The following TEX10 variants were observed in gnomAD, a reference collection of about 807,000 sequenced individuals.
TEX10 encodes the protein testis-expressed protein 10.
In TEX10, 24 loss-of-function variants were observed where a neutral mutation model predicts 104.4. The ratio of observed to expected loss-of-function variants is 0.23; its 90% CI spans 0.17 to 0.32. The LOEUF is 0.32. TEX10 is among the 10% of genes least tolerant of loss of function. The probability of loss-of-function intolerance (pLI) is 1.00; values close to 1 mark genes in which losing one functional copy is unlikely to be tolerated. For missense variants in TEX10, 921 were observed against 1,083.9 expected (o/e 0.85, Z 2.11); for synonymous variants, 396 against 393.4 (o/e 1.01, Z -0.08).
At chr9:100,341,167 T>C (rs752352838) in intron 4 of TEX10, among the ~76,000 whole-genome samples, 1 of 152,222 alleles carries the variant, frequency 6.6e-6, no homozygotes, top group African/African-American at 2.4e-5. Context: ...GGTTTCACCA[T>C]GTTGACCCGG....
chr9:100,314,089 CT>C (rs58128151), intron 11 of TEX10, among the ~76,000 whole-genome samples: 67,249 of 120,942 alleles, frequency 0.56, 17,925 homozygotes, highest in East Asian at 0.82. Context: ...GGAGATTTTT[CT>C]TTTTTTTTTT....
chr9:100,340,973 G>T (rs926384225), intron 4 of TEX10, among the ~76,000 whole-genome samples: 34 of 146,764 alleles, frequency 2.3e-4, no homozygotes, highest in Middle Eastern at 3.5e-3. Flanking sequence ...GCTCAATTTG[G>T]TTTTTTTTTT....
chr9:100,327,645 T>C, intron 8 of TEX10, 142 bp downstream of exon 8: 1 of 472,372 alleles, frequency 2.1e-6, no homozygotes, highest in Non-Finnish European at 3.6e-6. Flanking sequence ...TACTGTATGA[T>C]GTTTTGTTCT....
Position 100,320,280 on chromosome 9 carries a change from G to C in TEX10, c.2187C>G (p.His729Gln). The C allele has an allele frequency of 1.2e-6, 2 of 1,611,190 alleles. No individual in the cohort carries two copies. The highest frequency in any genetic ancestry group is 1.7e-6 in the Non-Finnish European group (2 of 1,178,736). The change falls in exon 11 of 15, where the codon CAC becomes CAG. Residue 729 changes from histidine to glutamine, a missense_variant. His to Gln is a conservative substitution (Grantham distance 24, BLOSUM62 0). Transcript: ENST00000374902. ...YLTDLDQFLH[H>Q]WDVTEAVFHS... ...GAACTATTACCTCTGTTACATCCCAGTGGTGTAAAAATTGATCCAAATCTG... is the reference window on the plus strand; with the variant it reads ...GAACTATTACCTCTGTTACATCCCACTGGTGTAAAAATTGATCCAAATCTG...
At chr9:100,349,100 T>C (rs1835374725) in intron 2 of TEX10, 84 bp downstream of exon 2, 1 of 1,221,014 alleles carries the variant, frequency 8.2e-7, no homozygotes, top group East Asian at 2.7e-5. Flanking sequence ...ACTCTAAGAG[T>C]TTAGACAAAT....
chr9:100,302,121 A>G lies in TEX10; in HGVS notation c.*70T>C. On this transcript the variant is annotated 3_prime_UTR_variant, in exon 15 of 15. Coordinates refer to ENST00000374902, the MANE Select transcript of TEX10 (RefSeq NM_017746.4). ...TCAGCTTTAATGACAAAGATCTATT[A>G]CATCAGTCTTTTTCTTCAAATAAGA... 1.1e-6 allele frequency: 1 copy of G among 895,492 alleles called. No homozygotes were observed. The allele number at this position is 895,492 out of a possible 1,614,324, so 55.5% of individuals were successfully genotyped here. A position where few individuals can be genotyped will look rare whatever the true frequency, so the allele number is the denominator to read the frequency against.
intron 1 of TEX10, chr9:100,352,385 T>C: frequency 6.4e-7 from 1 of 1,551,716 alleles, no homozygotes; most frequent in Non-Finnish European, 8.7e-7. Context: ...CCACTCCGTA[T>C]TCGGTCCTGC....
intron 1 of TEX10, among the ~76,000 whole-genome samples, chr9:100,352,226 C>G (rs891136950): frequency 3.3e-5 from 5 of 152,204 alleles, no homozygotes; most frequent in Non-Finnish European, 7.3e-5. Flanking sequence ...CCTCCAAACT[C>G]CACTGAGGGG....
chr9:100,326,225 CT>C (rs1485935337), intron 9 of TEX10, 76 bp downstream of exon 9: 41 of 1,496,034 alleles, frequency 2.7e-5, no homozygotes, highest in Non-Finnish European at 3.6e-5. Context: ...CTTCAAAAGG[CT>C]TCCGTAATTC....
At position 100,346,029 on chromosome 9, in the gene TEX10, A is replaced by G. The variant is rs751039822; in HGVS notation, c.1137+43T>C. The G allele has an allele frequency of 2.1e-5, 33 of 1,552,318 alleles. No individual in the cohort carries two copies. The East Asian group carries it at 6.8e-4, about 32-fold the overall frequency. On this transcript the variant is annotated intron_variant, in intron 4 of 14. Coordinates refer to ENST00000374902, the MANE Select transcript of TEX10 (RefSeq NM_017746.4). ...TTTCGAATCTTGCCATTTATGATAA[A>G]AGGCTATTAATACTAAGAAAATAAA...
At chr9:100,315,355 A>AGCACCCCACTC (rs1319421987) in intron 11 of TEX10, among the ~76,000 whole-genome samples, 1 of 152,130 alleles carries the variant, frequency 6.6e-6, no homozygotes, top group African/African-American at 2.4e-5. Flanking sequence ...TGGGGTGTTA[A>AGCACCCCACTC]AGCACCCCAC....
chr9:100,302,558 C>G (rs1178789449), intron 14 of TEX10, among the ~76,000 whole-genome samples: 1 of 152,184 alleles, frequency 6.6e-6, no homozygotes, highest in African/African-American at 2.4e-5. Flanking sequence ...ATGCTAGAGA[C>G]TAATGAAATT....
chr9:100,349,576 A>G (rs1450344819), intron 1 of TEX10, among the ~76,000 whole-genome samples: 1 of 152,244 alleles, frequency 6.6e-6, no homozygotes, highest in Non-Finnish European at 1.5e-5. Context: ...ACAAGGCAAC[A>G]GTCTTGCCAC....
intron 5 of TEX10, among the ~76,000 whole-genome samples, chr9:100,337,685 GGCC>G (rs1835046667): frequency 6.6e-6 from 1 of 152,142 alleles, no homozygotes; most frequent in Non-Finnish European, 1.5e-5. Context: ...TCCACATCAA[GGCC>G]AGTGAAGAGC....
intron 8 of TEX10, among the ~76,000 whole-genome samples, chr9:100,327,577 G>T (rs1834739533): frequency 6.6e-6 from 1 of 151,968 alleles, no homozygotes; most frequent in Non-Finnish European, 1.5e-5. Flanking sequence ...ATTTAAGAAT[G>T]CAATAAGCAT....
chr9:100,314,007 G>A (rs1197056143), intron 11 of TEX10, among the ~76,000 whole-genome samples: 1 of 151,932 alleles, frequency 6.6e-6, no homozygotes, highest in Non-Finnish European at 1.5e-5. Flanking sequence ...AGGAGAATGA[G>A]TATTAGCTCT....
In TEX10 at chr9:100,330,059, C is replaced by A; in HGVS notation, c.1361G>T (p.Cys454Phe). The change falls in exon 6 of 15, where the codon TGC (cysteine) becomes TTC (phenylalanine). Residue 454 changes from cysteine to phenylalanine, a missense_variant. By Grantham distance (205) the Cys-to-Phe change is radical. Transcript: ENST00000374902. Reference sequence around the variant, plus strand: ...TTTCCTTATCATTTCTATCCAACTGCAATCCTTCTGCAAAGTTGACGCATT... The same window carrying A: ...TTTCCTTATCATTTCTATCCAACTGAAATCCTTCTGCAAAGTTGACGCATT... The part of the protein sequence containing the change: ...LANASTLQKD[C>F]SWIEMIRKFV... 1 of 1,614,138 alleles carries A rather than the reference C, an allele frequency of 6.2e-7. No individual in the cohort carries two copies. Among genetic ancestry groups the A allele is most frequent in the Non-Finnish European group, 8.5e-7 (1 of 1,180,008 alleles).
intron 13 of TEX10, 52 bp from the exon 14 acceptor site, chr9:100,303,894 G>GC: frequency 6.4e-7 from 1 of 1,565,462 alleles, no homozygotes; most frequent in South Asian, 1.1e-5. Context: ...CACAGGAAAA[G>GC]CCCCCCTTCT....
At chr9:100,352,355 CA>C in intron 1 of TEX10, 1 of 1,550,470 alleles carries the variant, frequency 6.4e-7, no homozygotes, top group Non-Finnish European at 8.7e-7. Flanking sequence ...GAGGACGGAA[CA>C]GGGGACGCCA....
Sources: allele counts gnomAD v4.1 joint callset (sites outside exome capture counted in the v4.1 genomes callset), GRCh38; gene constraint gnomAD v4.1.1; transcripts MANE v1.5; gene names NCBI Gene and HGNC (gene_info 2026-07-23, HGNC 2026-07-21).